ZNF425: variants seen among roughly 807,000 people sequenced by gnomAD.
ZNF425 encodes the protein zinc finger protein 425.
In ZNF425, 21 loss-of-function variants were observed where a neutral mutation model predicts 17.0. The observed-to-expected ratio is 1.23, with a 90% confidence interval of 0.88 to 1.78. ZNF425 has a LOEUF of 1.78. Ranked by LOEUF, ZNF425 falls within the 40% of genes most tolerant of loss-of-function variation. ZNF425 has a pLI of 0.00. For missense variants in ZNF425, 868 were observed against 967.3 expected, an observed-to-expected ratio of 0.90 and a Z score of 1.36; for synonymous variants, 433 against 384.1, an observed-to-expected ratio of 1.13 and a Z score of -1.49.
intron 3 of ZNF425, among the ~76,000 whole-genome samples, chr7:149,107,254 T>G (rs1441846177): frequency 6.6e-6 from 1 of 151,978 alleles, no homozygotes; most frequent in Non-Finnish European, 1.5e-5. Context: ...CTTACTGAAT[T>G]CACAAATAAC....
chr7:149,107,346 T>TTTA (rs200795720), intron 3 of ZNF425, among the ~76,000 whole-genome samples: 31 of 122,482 alleles, frequency 2.5e-4, no homozygotes, highest in African/African-American at 1.1e-3. Context: ...TATTTATTTA[T>TTTA]TTTTTTTCTG....
At position 149,104,843 on chromosome 7, in the gene ZNF425, C is replaced by T; in HGVS notation, c.1028G>A (p.Arg343Lys). ...CTGGGTCAGATGGACCTTCATGCCC[C>T]TCTTCAGGCGGAAGCACCGGTCACA... ...PQCDRCFRLKRGMKVHLTQHS... is the reference protein window; with the variant it reads ...PQCDRCFRLKKGMKVHLTQHS... Residue 343 changes from arginine to lysine, a missense_variant, in exon 4 of 4, where the codon AGG becomes AAG. Transcript: ENST00000378061. The surrounding 1 kb of genome is among the most constrained non-coding windows in gnomAD (Gnocchi z 4.3). 6.2e-7 allele frequency: 1 copy of T among 1,613,770 alleles called. No homozygotes were observed. The highest frequency in any genetic ancestry group is 1.1e-5 in the South Asian group (1 of 91,042).
rs11773363 is a variant in ZNF425 at position 149,105,054 on chromosome 7, G to A, written c.817C>T (p.Pro273Ser). The change falls in exon 4 of 4, where the codon CCC becomes TCC. Residue 273 changes from proline (P) to serine (S), a missense_variant. Physicochemically the swap from Pro to Ser is moderately conservative, Grantham distance 74. Transcript: ENST00000378061. Reference sequence around the variant, plus strand: ...TTGTCGCACTCAGGGCATGGGTAGGGCCGCTGGCCGGTGTGGACAACCTGA... The same window carrying A: ...TTGTCGCACTCAGGGCATGGGTAGGACCGCTGGCCGGTGTGGACAACCTGA... Reference protein sequence around the residue: ...THQVVHTGQRPYPCPECDKTF... With the variant: ...THQVVHTGQRSYPCPECDKTF... 6.2e-7 allele frequency: 1 copy of A among 1,614,126 alleles called. No homozygotes were observed. Among genetic ancestry groups the A allele is most frequent in the African/African-American group, 1.3e-5 (1 of 74,946 alleles).
rs762665967 is a variant in ZNF425, at chr7:149,104,575, G to C, written c.1296C>G (p.His432Gln). The change falls in exon 4 of 4, where the codon CAC (histidine) becomes CAG (glutamine). Residue 432 changes from histidine to glutamine, a missense_variant. By Grantham distance (24) the His-to-Gln change is conservative. Transcript: ENST00000378061. The surrounding 1 kb of genome is among the most constrained non-coding windows in gnomAD (Gnocchi z 4.3). Reference protein sequence around the residue: ...SFRLKRSLKAHGLQHIGKRPF... With the variant: ...SFRLKRSLKAQGLQHIGKRPF... ...GCCGCTTCCCAATGTGCTGCAGCCCGTGGGCTTTCAGGCTTCTCTTGAGGC... is the reference window on the plus strand; with the variant it reads ...GCCGCTTCCCAATGTGCTGCAGCCCCTGGGCTTTCAGGCTTCTCTTGAGGC... 1 of 1,613,934 alleles carries C rather than the reference G, an allele frequency of 6.2e-7. No homozygotes were observed. Among genetic ancestry groups the C allele is most frequent in the Non-Finnish European group, 8.5e-7 (1 of 1,179,984 alleles).
At position 149,103,411 on chromosome 7, in the gene ZNF425, T is replaced by A. The variant is rs1349415183; in HGVS notation, c.*201A>T. 7 of 598,254 alleles carry A rather than the reference T, an allele frequency of 1.2e-5. No individual in the cohort carries two copies. Among genetic ancestry groups the A allele is most frequent in the Admixed American group, 6.8e-5 (2 of 29,618 alleles). 37.1% of individuals were successfully genotyped at this position (598,254 alleles called of 1,614,324 possible). The stretch of plus-strand genomic sequence containing the variant: ...TTTTATATTTTTTGTAGAGATGGAG[T>A]CTTGCAATGTTGCCTAGGCTGGTCT... On this transcript the variant is annotated 3_prime_UTR_variant, in exon 4 of 4. Coordinates refer to ENST00000378061, the MANE Select transcript of ZNF425 (RefSeq NM_001001661.3).
At position 149,111,590 on chromosome 7, in the gene ZNF425, T is replaced by TAAAAAAAAA. The variant is rs60783786; in HGVS notation, c.304+538_304+546dup. On this transcript the variant is annotated intron_variant, in intron 3 of 3. Transcript: ENST00000378061. The stretch of plus-strand genomic sequence containing the variant: ...CTGGGTGACAGAGCAAGACTCTGTC[T>TAAAAAAAAA]AAAAAAAAAAAAAAAAAAAAAAAAA... 9.1e-3 allele frequency among the ~76,000 whole-genome samples: 495 copies of TAAAAAAAAA among 54,380 alleles called. 23 individuals are homozygous for TAAAAAAAAA. Among genetic ancestry groups the TAAAAAAAAA allele is most frequent in the Non-Finnish European group, 9.9e-3 (302 of 30,424 alleles). 35.7% of individuals were successfully genotyped at this position (54,380 alleles called of 152,430 possible).
At chr7:149,117,005 G>C (rs1826275452) in intron 2 of ZNF425, among the ~76,000 whole-genome samples, 2 of 152,158 alleles carry the variant, frequency 1.3e-5, no homozygotes, top group Admixed American at 1.3e-4. Flanking sequence ...GCTCATGCCT[G>C]TAATCCCAGC....
At chr7:149,117,486 A>G (rs1826284414) in intron 2 of ZNF425, among the ~76,000 whole-genome samples, 1 of 151,984 alleles carries the variant, frequency 6.6e-6, no homozygotes, top group Admixed American at 6.6e-5. Context: ...TTCTCACTTA[A>G]TCACTCTGTC....
At position 149,105,087 on chromosome 7, in the gene ZNF425, C is replaced by T. The variant is rs1826058305; in HGVS notation, c.784G>A (p.Val262Ile). 4.3e-6 allele frequency: 7 copies of T among 1,614,190 alleles called. No homozygotes were observed. Among genetic ancestry groups the T allele is most frequent in the African/African-American group, 1.3e-5 (1 of 75,048 alleles). ...EKSYFLKGSL[V>I]THQVVHTGQR... ...CCGGTGTGGACAACCTGATGAGTGA[C>T]GAGGCTGCCCTTCAGGAAGTAGCTC... Residue 262 changes from valine (V) to isoleucine (I), a missense_variant, in exon 4 of 4, where the codon GTC becomes ATC. This residue lies in a region of ZNF425 where 243 missense variants were observed against 265.2 expected (regional missense o/e 0.92). Coordinates refer to ENST00000378061, the MANE Select transcript of ZNF425 (RefSeq NM_001001661.3).
intron 3 of ZNF425, among the ~76,000 whole-genome samples, chr7:149,106,299 G>A (rs1378381124): frequency 4.7e-5 from 7 of 149,202 alleles, no homozygotes; most frequent in South Asian, 2.1e-4. Context: ...GCTAGAGTGC[G>A]GTGGCGTGAT....
intron 1 of ZNF425, among the ~76,000 whole-genome samples, chr7:149,121,484 C>T (rs995064241): frequency 6.6e-6 from 1 of 151,036 alleles, no homozygotes; most frequent in African/African-American, 2.4e-5. Flanking sequence ...CTCCGCCTCC[C>T]GGGATCAAGT....
intron 3 of ZNF425, among the ~76,000 whole-genome samples, chr7:149,111,418 C>A (rs925802136): frequency 6.6e-6 from 1 of 150,844 alleles, no homozygotes; most frequent in East Asian, 2.0e-4. Flanking sequence ...GGTGAAACCC[C>A]TTCTCTACTA....
At position 149,104,562 on chromosome 7, in the gene ZNF425, T is replaced by C. The variant is rs1212823721; in HGVS notation, c.1309A>G (p.Ile437Val). 7 of 1,613,348 alleles carry C rather than the reference T, an allele frequency of 4.3e-6. No individual in the cohort carries two copies. In the South Asian group the frequency reaches 6.6e-5, roughly 15 times the overall value. ...GGGCACTGGAAGGGCCGCTTCCCAATGTGCTGCAGCCCGTGGGCTTTCAGG... is the reference window on the plus strand; with the variant it reads ...GGGCACTGGAAGGGCCGCTTCCCAACGTGCTGCAGCCCGTGGGCTTTCAGG... ...RSLKAHGLQH[I>V]GKRPFQCPEC... Residue 437 changes from isoleucine (I) to valine (V), a missense_variant, in exon 4 of 4, where the codon ATT (isoleucine) becomes GTT (valine). Around this residue, in one of 5 missense-constraint regions of ZNF425, gnomAD observed 437 missense variants for 444.2 expected, o/e 0.98. Coordinates refer to ENST00000378061, the MANE Select transcript of ZNF425 (RefSeq NM_001001661.3). This position sits in a 1 kb window ranked among gnomAD's most constrained non-coding sequence, Gnocchi z 4.3.
Position 149,104,041 on chromosome 7 carries a change from G to A in ZNF425, c.1830C>T (p.Tyr610=), listed in dbSNP as rs1826024292. The A allele has an allele frequency of 6.2e-7, 1 of 1,613,700 alleles. No individual in the cohort carries two copies. The highest frequency in any genetic ancestry group is 8.5e-7 in the Non-Finnish European group (1 of 1,179,986). ...HLRLHSGEKP[Y]QCPECEKTFR... is the part of the protein sequence containing the mutation. ...AAGTCTTCTCGCATTCAGGACACTG[G>A]TAGGGCTTCTCTCCACTGTGCAGCC... Residue 610 remains tyrosine (Y), a synonymous_variant, in exon 4 of 4, where the codon TAC becomes TAT. Coordinates refer to ENST00000378061, the MANE Select transcript of ZNF425 (RefSeq NM_001001661.3). This position sits in a 1 kb window ranked among gnomAD's most constrained non-coding sequence, Gnocchi z 4.3.
intron 1 of ZNF425, among the ~76,000 whole-genome samples, chr7:149,124,446 C>T (rs1251725531): frequency 6.6e-6 from 1 of 152,224 alleles, no homozygotes; most frequent in Non-Finnish European, 1.5e-5. Context: ...TAAGCCACCA[C>T]GTCCGGATGG....
rs549965433 is a variant in ZNF425 at position 149,108,585 on chromosome 7, C to A, written c.305-3019G>T. On this transcript the variant is annotated intron_variant, in intron 3 of 3. Coordinates refer to ENST00000378061, the MANE Select transcript of ZNF425 (RefSeq NM_001001661.3). ...TAGGGATAGCTACCAAAGTTGTTAA[C>A]TCTTTGGTACTCAAAAATCCTTCCA... Among the ~76,000 whole-genome samples the A allele has an allele frequency of 6.6e-5, 10 of 152,234 alleles. No homozygotes were observed. The South Asian group carries it at 1.9e-3, about 28-fold the overall frequency.
Position 149,104,885 on chromosome 7 carries a change from G to A in ZNF425, c.986C>T (p.Pro329Leu). ...CCGGTCACACTGCGGACACTGGAAG[G>A]GCTTCTCTCCGCTGTGCAGCCGCAA... Reference protein sequence around the residue: ...EHLRLHSGEKPFQCPQCDRCF... With the variant: ...EHLRLHSGEKLFQCPQCDRCF... The change falls in exon 4 of 4, where the codon CCC becomes CTC. Residue 329 changes from proline (P) to leucine (L), a missense_variant. This residue lies in a region of ZNF425 where 243 missense variants were observed against 265.2 expected (regional missense o/e 0.92). Transcript: ENST00000378061. The surrounding 1 kb of genome is among the most constrained non-coding windows in gnomAD (Gnocchi z 4.3). 6.2e-7 allele frequency: 1 copy of A among 1,613,654 alleles called. No individual in the cohort carries two copies. Among genetic ancestry groups the A allele is most frequent in the South Asian group, 1.1e-5 (1 of 91,026 alleles).
At chr7:149,115,460 C>T (rs1826249614) in intron 2 of ZNF425, among the ~76,000 whole-genome samples, 2 of 138,634 alleles carry the variant, frequency 1.4e-5, no homozygotes, top group East Asian at 4.0e-4. Context: ...TCGAGACCAC[C>T]CTGGCCAACA....
intron 2 of ZNF425, among the ~76,000 whole-genome samples, chr7:149,117,572 G>A (rs756913206): frequency 3.4e-5 from 5 of 146,180 alleles, no homozygotes; most frequent in Non-Finnish European, 7.4e-5. Context: ...AAGGAGGCAT[G>A]AAAGTATTAA....
Sources: gnomAD v4.1 joint callset for allele counts (sites outside exome capture counted in the v4.1 genomes callset) on GRCh38, gnomAD v4.1.1 for gene constraint, gnomAD v4.1.1 regional missense constraint, Gnocchi (gnomAD v3.1) non-coding constraint, MANE v1.5 for transcripts, NCBI Gene and HGNC (gene_info 2026-07-23, HGNC 2026-07-21) for gene names.